Variants in KIF13B observed in about 807,000 individuals in gnomAD.
KIF13B encodes the protein kinesin-like protein KIF13B.
A neutral mutation model predicts 222.0 loss-of-function variants in KIF13B; 127 were observed. The observed-to-expected ratio is 0.57, with a 90% CI of 0.50 to 0.66. The LOEUF (loss-of-function observed/expected upper bound fraction) is 0.66. KIF13B is among the 30% of genes least tolerant of loss of function. The pLI, the probability that KIF13B is intolerant of heterozygous loss-of-function variation, is 0.00. For missense variants in KIF13B, 2,173 were observed against 2,379.0 expected (o/e 0.91, Z 1.80); for synonymous variants, 976 against 919.0 (o/e 1.06, Z -1.12).
intron 2 of KIF13B, among the ~76,000 whole-genome samples, chr8:29,223,126 T>C (rs1178832433): frequency 2.8e-5 from 4 of 144,424 alleles, no homozygotes; most frequent in African/African-American, 1.0e-4. Context: ...GAGACCAGCC[T>C]GGACAACATG....
In KIF13B at chr8:29,209,972, C is replaced by T. The variant is rs185312477; in HGVS notation, c.150-13773G>A. Among the ~76,000 whole-genome samples, 628 of 151,504 alleles carry T rather than the reference C, an allele frequency of 4.1e-3. 1 individual carries two copies. Among genetic ancestry groups the T allele is most frequent in the African/African-American group, 0.014 (597 of 41,312 alleles). Reference sequence around the variant, plus strand: ...TCAGGAGACTGAAGCAGGAGGATCACTTGAGACCAGTTGGTCAAGGCTGCA... The same window carrying T: ...TCAGGAGACTGAAGCAGGAGGATCATTTGAGACCAGTTGGTCAAGGCTGCA... On this transcript the variant is annotated intron_variant, in intron 2 of 39. Coordinates refer to ENST00000524189, the MANE Select transcript of KIF13B (RefSeq NM_015254.4).
At chr8:29,124,883 C>CA (rs35910865) in intron 26 of KIF13B, among the ~76,000 whole-genome samples, 5,762 of 125,686 alleles carry the variant, frequency 0.046, 320 homozygotes, top group African/African-American at 0.14. Flanking sequence ...AACTCCATCC[C>CA]AAAAAAAAAA....
In KIF13B at chr8:29,071,470, C is replaced by T. The variant is rs888740342; in HGVS notation, c.5218+150G>A. 10 of 674,994 alleles carry T rather than the reference C, an allele frequency of 1.5e-5. No homozygotes were observed. The highest frequency in any genetic ancestry group is 2.3e-5 in the Non-Finnish European group (9 of 397,342). The allele number at this position is 674,994 out of a possible 1,614,324, so 41.8% of individuals were successfully genotyped here. A position where few individuals can be genotyped will look rare whatever the true frequency, so the allele number is the denominator to read the frequency against. ...AGCCCTGCCCCCAGCCTCACCCCTGCAGGCCCAGCCGCTCCCGCAGCTTCA... is the reference window on the plus strand; with the variant it reads ...AGCCCTGCCCCCAGCCTCACCCCTGTAGGCCCAGCCGCTCCCGCAGCTTCA... On this transcript the variant is annotated intron_variant, in intron 39 of 39. Transcript: ENST00000524189. The surrounding 1 kb of genome is among the most constrained non-coding windows in gnomAD (Gnocchi z 4.9).
intron 36 of KIF13B, among the ~76,000 whole-genome samples, chr8:29,093,109 G>C (rs1356172540): frequency 1.3e-5 from 2 of 152,070 alleles, no homozygotes; most frequent in Non-Finnish European, 2.9e-5. Flanking sequence ...AAATGCTCTA[G>C]TATGCAGTGT....
rs1333364337 is a variant in KIF13B, at chr8:29,070,795, G to GGGCAGCCGAGCTGCAGAC, written c.5219-47_5219-30dup. 1 of 1,577,646 alleles carries GGGCAGCCGAGCTGCAGAC rather than the reference G, an allele frequency of 6.3e-7. No individual in the cohort carries two copies. The highest frequency in any genetic ancestry group is 1.3e-5 in the African/African-American group (1 of 74,236). On this transcript the variant is annotated intron_variant, in intron 39 of 39. Coordinates refer to ENST00000524189, the MANE Select transcript of KIF13B (RefSeq NM_015254.4). This position sits in a 1 kb window ranked among gnomAD's most constrained non-coding sequence, Gnocchi z 4.1. ...CGGGGGAAGGAGAGGGTGATATGGA[G>GGGCAGCCGAGCTGCAGAC]GGCAGCCGAGCTGCAGACGGCCCCC...
intron 13 of KIF13B, among the ~76,000 whole-genome samples, chr8:29,156,293 T>A (rs760360466): frequency 1.3e-5 from 2 of 152,108 alleles, no homozygotes; most frequent in African/African-American, 4.8e-5. Context: ...TAAAAGCAAA[T>A]GAAGCCAGGC....
At chr8:29,185,354 A>C (rs1472612150) in intron 6 of KIF13B, among the ~76,000 whole-genome samples, 2 of 152,240 alleles carry the variant, frequency 1.3e-5, no homozygotes, top group Non-Finnish European at 2.9e-5. Flanking sequence ...AGCCTCCTTC[A>C]CAAGCTAAAA....
chr8:29,177,916 AC>A (rs1812550856), intron 8 of KIF13B, among the ~76,000 whole-genome samples: 1 of 152,136 alleles, frequency 6.6e-6, no homozygotes, highest in Admixed American at 6.5e-5. Context: ...CTCTTAAAAA[AC>A]AATACAAAAA....
chr8:29,248,199 T>C (rs1324105082), intron 1 of KIF13B, among the ~76,000 whole-genome samples: 2 of 152,142 alleles, frequency 1.3e-5, no homozygotes, highest in African/African-American at 2.4e-5. Context: ...CCTAGATACA[T>C]ACCCATGAGA....
chr8:29,146,256 G>C (rs1483289043), intron 18 of KIF13B, 122 bp downstream of exon 18: 1 of 955,192 alleles, frequency 1.0e-6, no homozygotes, highest in African/African-American at 1.6e-5. Context: ...AAAGCATGGA[G>C]GACAAAGGAT....
chr8:29,223,164 C>CA (rs375009923), intron 2 of KIF13B, among the ~76,000 whole-genome samples: 4,146 of 113,070 alleles, frequency 0.037, 167 homozygotes, highest in African/African-American at 0.12. Context: ...CAAAAAAATA[C>CA]AAAAAAAAAA....
chr8:29,212,193 T>C (rs573888647), intron 2 of KIF13B, among the ~76,000 whole-genome samples: 1 of 152,222 alleles, frequency 6.6e-6, no homozygotes, highest in South Asian at 2.1e-4. Flanking sequence ...CCTGAATAGA[T>C]ACCTAAGACT....
intron 6 of KIF13B, among the ~76,000 whole-genome samples, chr8:29,182,952 TATATACATGATC>T (rs1022723004): frequency 6.6e-6 from 1 of 152,072 alleles, no homozygotes; most frequent in Non-Finnish European, 1.5e-5. Flanking sequence ...CATTCCATAG[TATATACATGATC>T]AAAACACACT....
chr8:29,107,703 G>A (rs1370125988), intron 35 of KIF13B, among the ~76,000 whole-genome samples: 2 of 151,870 alleles, frequency 1.3e-5, no homozygotes, highest in African/African-American at 4.8e-5. Flanking sequence ...TGGGACTACA[G>A]GTGCCCGCCA....
At chr8:29,180,698 G>A (rs1180200706) in intron 7 of KIF13B, among the ~76,000 whole-genome samples, 2 of 152,092 alleles carry the variant, frequency 1.3e-5, no homozygotes, top group South Asian at 2.1e-4. Flanking sequence ...AGCAGACCTG[G>A]TTTTAAAAAT....
chr8:29,258,990 G>A (rs1014276461), intron 1 of KIF13B, among the ~76,000 whole-genome samples: 4 of 152,066 alleles, frequency 2.6e-5, no homozygotes, highest in Non-Finnish European at 4.4e-5. Context: ...CCCCTAACAA[G>A]AACAATCAAT....
chr8:29,150,431 C>A (rs1201257944), intron 14 of KIF13B, 48 bp from the exon 15 acceptor site: 3 of 894,426 alleles, frequency 3.4e-6, no homozygotes, highest in Admixed American at 4.5e-5. Flanking sequence ...AGTATCATGT[C>A]TTCTGCTTTA....
chr8:29,227,736 G>A (rs895215843), intron 2 of KIF13B, among the ~76,000 whole-genome samples: 1 of 151,894 alleles, frequency 6.6e-6, no homozygotes, highest in Admixed American at 6.6e-5. Flanking sequence ...ATCACTTGAG[G>A]CCAGGAATTC....
intron 18 of KIF13B, chr8:29,145,718 A>T (rs1468069524): frequency 6.6e-6 from 1 of 152,192 alleles, no homozygotes; most frequent in African/African-American, 2.4e-5. Context: ...GAACACACGG[A>T]TCCACAAAAA....
Sources: allele counts gnomAD v4.1 joint callset (sites outside exome capture counted in the v4.1 genomes callset), GRCh38; gene constraint gnomAD v4.1.1; non-coding constraint Gnocchi (gnomAD v3.1); transcripts MANE v1.5; gene names NCBI Gene and HGNC (gene_info 2026-07-23, HGNC 2026-07-21).